CNTNAP2: variants seen among roughly 807,000 people sequenced by gnomAD.
The protein encoded by CNTNAP2 is contactin associated protein 2.
In CNTNAP2, 98 loss-of-function variants were observed where a neutral mutation model predicts 155.2. The ratio of observed to expected loss-of-function variants is 0.63; its 90% CI spans 0.54 to 0.75. The LOEUF (loss-of-function observed/expected upper bound fraction) is 0.75, where lower values mean the gene tolerates loss of function less well. CNTNAP2 is among the 30% of genes least tolerant of loss of function. The pLI is 0.00. For missense variants in CNTNAP2, 1,727 were observed against 1,688.1 expected (o/e 1.02, Z -0.40); for synonymous variants, 651 against 631.2 (o/e 1.03, Z -0.47).
chr7:148,236,225 T>C (rs999013018), intron 20 of CNTNAP2, among the ~76,000 whole-genome samples: 2 of 152,164 alleles, frequency 1.3e-5, no homozygotes, highest in Admixed American at 1.3e-4. Flanking sequence ...CAGGCGCCCA[T>C]GCCTCTCTCT....
chr7:147,586,523 G>GAGGAAGGAAGGAAGGAAGGAAGGA (rs1554408296), intron 12 of CNTNAP2, among the ~76,000 whole-genome samples: 1 of 42,008 alleles, frequency 2.4e-5, no homozygotes, highest in African/African-American at 1.5e-4. Flanking sequence ...AGAGAGAGAA[G>GAGGAAGGAAGGAAGGAAGGAAGGA]AGGAAGGAAG....
intron 1 of CNTNAP2, among the ~76,000 whole-genome samples, chr7:146,178,135 G>A (rs570514937): frequency 1.3e-5 from 2 of 152,208 alleles, no homozygotes; most frequent in South Asian, 4.1e-4. Context: ...CTGGGTTCTC[G>A]CCATTCTCCT....
intron 10 of CNTNAP2, among the ~76,000 whole-genome samples, chr7:147,412,736 G>A (rs1321065578): frequency 6.6e-6 from 1 of 152,198 alleles, no homozygotes; most frequent in Non-Finnish European, 1.5e-5. Flanking sequence ...TGCTTTATGA[G>A]TGAAATAGAA....
chr7:147,660,735 G>C (rs75022779), intron 13 of CNTNAP2, among the ~76,000 whole-genome samples: 2,088 of 152,242 alleles, frequency 0.014, 49 homozygotes, highest in Non-Finnish European at 0.016. Context: ...GCCAGTTAAA[G>C]ACAAGGCCTA....
intron 15 of CNTNAP2, among the ~76,000 whole-genome samples, chr7:148,062,738 T>C (rs1226823233): frequency 6.6e-6 from 1 of 152,074 alleles, no homozygotes; most frequent in Admixed American, 6.6e-5. Flanking sequence ...AATGCTTAAG[T>C]AAAAAATGAG....
intron 13 of CNTNAP2, among the ~76,000 whole-genome samples, chr7:147,729,350 T>C (rs1467368691): frequency 6.6e-6 from 1 of 151,168 alleles, no homozygotes; most frequent in Non-Finnish European, 1.5e-5. Flanking sequence ...AGTCTAAAGG[T>C]GAATAAATCA....
At chr7:146,297,860 C>T (rs535440842) in intron 1 of CNTNAP2, among the ~76,000 whole-genome samples, 19 of 152,194 alleles carry the variant, frequency 1.2e-4, no homozygotes, top group South Asian at 4.1e-4. Flanking sequence ...ACTCTCTAAA[C>T]GTGTTAATGT....
chr7:146,790,811 C>T (rs1277318084), intron 2 of CNTNAP2, among the ~76,000 whole-genome samples: 7 of 151,980 alleles, frequency 4.6e-5, no homozygotes, highest in Non-Finnish European at 8.8e-5. Flanking sequence ...CCTTGTGATC[C>T]GCCCACCTCG....
chr7:148,025,211 T>C (rs1802354772), intron 15 of CNTNAP2, among the ~76,000 whole-genome samples: 1 of 152,192 alleles, frequency 6.6e-6, no homozygotes, highest in African/African-American at 2.4e-5. Flanking sequence ...ATAATATCCA[T>C]ATGGTCAAAA....
intron 16 of CNTNAP2, among the ~76,000 whole-genome samples, chr7:148,146,987 A>C (rs557906463): frequency 6.6e-6 from 1 of 152,328 alleles, no homozygotes; most frequent in East Asian, 1.9e-4. Flanking sequence ...CCAACTCTTG[A>C]CCAACTGAGT....
chr7:148,106,493 G>GATAGATAT (rs1490418389), intron 15 of CNTNAP2, among the ~76,000 whole-genome samples: 6 of 124,926 alleles, frequency 4.8e-5, no homozygotes, highest in African/African-American at 2.1e-4. Context: ...CACACTTTGA[G>GATAGATAT]ATATATATAT....
chr7:148,339,846 G>T lies in CNTNAP2; in HGVS notation c.3476-43803G>T, dbSNP rs530205180. On this transcript the variant is annotated intron_variant, in intron 21 of 23. Coordinates refer to ENST00000361727, the MANE Select transcript of CNTNAP2 (RefSeq NM_014141.6). ...TTGATCTTCTCTCTGCAAGGTCGGG[G>T]GTTCTTTGGGGAGTAAATCACAGCG... 9.9e-5 allele frequency among the ~76,000 whole-genome samples: 15 copies of T among 152,252 alleles called. 1 individual carries two copies. The highest frequency in any genetic ancestry group is 3.4e-4 in the African/African-American group (14 of 41,546).
intron 1 of CNTNAP2, among the ~76,000 whole-genome samples, chr7:146,230,698 A>G (rs903473710): frequency 6.6e-6 from 1 of 152,166 alleles, no homozygotes; most frequent in Non-Finnish European, 1.5e-5. Context: ...CCATCTGGCA[A>G]TGTACTTGTG....
At chr7:147,575,518 T>TGTGC (rs1257211902) in intron 12 of CNTNAP2, among the ~76,000 whole-genome samples, 1 of 144,266 alleles carries the variant, frequency 6.9e-6, no homozygotes, top group Non-Finnish European at 1.5e-5. Context: ...CAACTGTGTG[T>TGTGC]GTGTGTGTGT....
At chr7:148,163,653 G>A (rs1187410404) in intron 17 of CNTNAP2, among the ~76,000 whole-genome samples, 1 of 152,258 alleles carries the variant, frequency 6.6e-6, no homozygotes, top group African/African-American at 2.4e-5. Context: ...ATGGAGTTAT[G>A]AATGAGCACT....
At chr7:147,704,331 A>T (rs1432773939) in intron 13 of CNTNAP2, 2 of 168,288 alleles carry the variant, frequency 1.2e-5, no homozygotes, top group African/African-American at 4.8e-5. Context: ...AGCCTGCTTC[A>T]AGAAAATCCA....
chr7:147,510,427 T>A (rs1376833502), intron 11 of CNTNAP2, among the ~76,000 whole-genome samples: 2 of 152,188 alleles, frequency 1.3e-5, no homozygotes, highest in African/African-American at 2.4e-5. Context: ...CAGAATACAC[T>A]GACAAAGGAC....
At chr7:146,252,035 G>C (rs1217765316) in intron 1 of CNTNAP2, among the ~76,000 whole-genome samples, 1 of 152,166 alleles carries the variant, frequency 6.6e-6, no homozygotes, top group Non-Finnish European at 1.5e-5. Context: ...CTGGGCTTTT[G>C]ATTCCAGGAG....
At chr7:146,682,726 T>C (rs1026657390) in intron 1 of CNTNAP2, among the ~76,000 whole-genome samples, 1 of 152,192 alleles carries the variant, frequency 6.6e-6, no homozygotes, top group Non-Finnish European at 1.5e-5. Flanking sequence ...AGATTTTTGG[T>C]CAACAGACAT....
Sources: gnomAD v4.1 joint callset for allele counts (sites outside exome capture counted in the v4.1 genomes callset) on GRCh38, gnomAD v4.1.1 for gene constraint, MANE v1.5 for transcripts, NCBI Gene and HGNC (gene_info 2026-07-23, HGNC 2026-07-21) for gene names.